RAB13: variants seen among roughly 807,000 people sequenced by gnomAD.
The protein encoded by RAB13 is ras-related protein Rab-13.
A neutral mutation model predicts 29.3 loss-of-function variants in RAB13; 15 were observed. That is an observed-to-expected ratio of 0.51 (90% CI 0.34 to 0.79). The LOEUF (loss-of-function observed/expected upper bound fraction) is 0.79. RAB13 is among the 30% of genes least tolerant of loss of function. RAB13 has a pLI of 0.01. For missense variants in RAB13, 186 were observed against 255.5 expected (o/e 0.73, Z 1.85); for synonymous variants, 82 against 93.8 (o/e 0.87, Z 0.73).
intron 2 of RAB13, among the ~76,000 whole-genome samples, chr1:153,984,409 A>C (rs1649097180): frequency 6.6e-6 from 1 of 152,186 alleles, no homozygotes; most frequent in African/African-American, 2.4e-5. Flanking sequence ...GTCAAGTCTT[A>C]ATTCTGCCTT....
chr1:153,988,494 T>A (rs1275091063), upstream of RAB13, among the ~76,000 whole-genome samples: 7 of 147,354 alleles, frequency 4.8e-5, no homozygotes, highest in African/African-American at 1.5e-4. Flanking sequence ...GGTTTCACCG[T>A]GTTAGCCAGG....
chr1:153,985,420 C>T, intron 1 of RAB13: 1 of 969,106 alleles, frequency 1.0e-6, no homozygotes, highest in Non-Finnish European at 1.2e-6. Context: ...CAATGTTCTT[C>T]TTAGTAGAAA....
chr1:153,989,239 A>AATT (rs535397163), upstream of RAB13, among the ~76,000 whole-genome samples: 4,683 of 136,358 alleles, frequency 0.034, 282 homozygotes, highest in African/African-American at 0.11. Context: ...GCAAAGAAAA[A>AATT]ATTATTATTA....
chr1:153,988,219 CTT>C (rs1424205863), upstream of RAB13, among the ~76,000 whole-genome samples: 2 of 151,068 alleles, frequency 1.3e-5, no homozygotes, highest in African/African-American at 4.9e-5. Flanking sequence ...GTCTCGATCT[CTT>C]GACCTTCTGA....
Position 153,986,107 on chromosome 1 carries a change from G to T in RAB13, c.124+6C>A, listed in dbSNP as rs571775838. 6.2e-7 allele frequency: 1 copy of T among 1,613,274 alleles called. No homozygotes were observed. Among genetic ancestry groups the T allele is most frequent in the African/African-American group, 1.3e-5 (1 of 75,018 alleles). On this transcript the variant is annotated splice_donor_region_variant and intron_variant, in intron 1 of 7. Transcript: ENST00000368575. ...TCGGGGTCTGGGACATGGCCAGCGG[G>T]CTCACCGATGGTGGAGATGTAAGTG...
At chr1:153,990,153 C>T (rs1218138966), upstream of RAB13, among the ~76,000 whole-genome samples, 2 of 150,224 alleles carry the variant, frequency 1.3e-5, no homozygotes, top group African/African-American at 4.9e-5. Context: ...TGTACTTCCG[C>T]CTCCCAGGTT....
At chr1:153,989,033 C>A (rs1649269679), upstream of RAB13, among the ~76,000 whole-genome samples, 4 of 148,520 alleles carry the variant, frequency 2.7e-5, 1 homozygote, top group Non-Finnish European at 6.0e-5. Flanking sequence ...GATTCTCCAG[C>A]CTCAGCTTCC....
chr1:153,990,355 T>A (rs1649321946), upstream of RAB13, among the ~76,000 whole-genome samples: 1 of 152,214 alleles, frequency 6.6e-6, no homozygotes, highest in Non-Finnish European at 1.5e-5. Flanking sequence ...CATGAGCCAC[T>A]GCGCCCGGCC....
At position 153,986,302 on chromosome 1, in the gene RAB13, G is replaced by T; in HGVS notation, c.-66C>A. On this transcript the variant is annotated 5_prime_UTR_variant, in exon 1 of 8. Transcript: ENST00000368575. ...CGGCACTGGTAGGCGGGACTGGACG[G>T]TTGGCAAACAGAGCGGCACGGAGCC... 1 of 1,387,606 alleles carries T rather than the reference G, an allele frequency of 7.2e-7. No individual in the cohort carries two copies. The allele number at this position is 1,387,606 out of a possible 1,614,324, so 86.0% of individuals were successfully genotyped here.
chr1:153,987,783 A>C (rs1315817112), upstream of RAB13, among the ~76,000 whole-genome samples: 1 of 147,418 alleles, frequency 6.8e-6, no homozygotes, highest in Non-Finnish European at 1.5e-5. Context: ...ACAAAAAAAA[A>C]AAAAAAAAAA....
intron 2 of RAB13, 82 bp downstream of exon 2, chr1:153,984,639 G>T: frequency 7.7e-7 from 1 of 1,298,150 alleles, no homozygotes; most frequent in South Asian, 1.2e-5. Flanking sequence ...GGGAAAGGAA[G>T]AGAAATGAAA....
chr1:153,982,327 A>ACG (rs1373948317), intron 7 of RAB13, 64 bp downstream of exon 7: 1 of 1,506,488 alleles, frequency 6.6e-7, no homozygotes, highest in African/African-American at 1.6e-5. Context: ...ACACACACAC[A>ACG]CACACACATA....
At position 153,986,286 on chromosome 1, in the gene RAB13, T is replaced by A; in HGVS notation, c.-50A>T. On this transcript the variant is annotated 5_prime_UTR_variant, in exon 1 of 8. Coordinates refer to ENST00000368575, the MANE Select transcript of RAB13 (RefSeq NM_002870.5). ...AGGGGTGGGGAGCGCCCGGCACTGGTAGGCGGGACTGGACGGTTGGCAAAC... is the reference window on the plus strand; with the variant it reads ...AGGGGTGGGGAGCGCCCGGCACTGGAAGGCGGGACTGGACGGTTGGCAAAC... 6.7e-7 allele frequency: 1 copy of A among 1,497,604 alleles called. No homozygotes were observed. Among genetic ancestry groups the A allele is most frequent in the Non-Finnish European group, 9.2e-7 (1 of 1,081,822 alleles). 92.8% of individuals were successfully genotyped at this position (1,497,604 alleles called of 1,614,324 possible).
rs1246701064 is a variant in RAB13, at chr1:153,982,708, C to T, written c.414+11G>A. 1 of 1,614,062 alleles carries T rather than the reference C, an allele frequency of 6.2e-7. No individual in the cohort carries two copies. Among genetic ancestry groups the T allele is most frequent in the Admixed American group, 1.7e-5 (1 of 60,008 alleles). On this transcript the variant is annotated intron_variant, in intron 5 of 7. Transcript: ENST00000368575. ...GCCCAGTTCTAGAACATTGCTCAGC[C>T]TGGCCCTCACCTTATCGGCCTGCTC...
At chr1:153,989,149 C>A (rs1479711510), upstream of RAB13, among the ~76,000 whole-genome samples, 2 of 135,230 alleles carry the variant, frequency 1.5e-5, 1 homozygote, top group Non-Finnish European at 3.2e-5. Context: ...CCACGCTGGT[C>A]TCGAACTCCC....
In RAB13 at chr1:153,986,181, A is replaced by AC. The variant is rs1205539782; in HGVS notation, c.55dup (p.Val19GlyfsTer26). ...GCGAATGATCAGACAAGTCTTGCCC[A>AC]CCCCCGAGTCCCCGATCAGCAGCAA... On this transcript the variant is annotated frameshift_variant, in exon 1 of 8. Transcript: ENST00000368575. LOFTEE classifies it high-confidence loss of function. The AC allele has an allele frequency of 6.2e-7, 1 of 1,613,494 alleles. No individual in the cohort carries two copies. The highest frequency in any genetic ancestry group is 1.1e-5 in the South Asian group (1 of 90,958).
upstream of RAB13, among the ~76,000 whole-genome samples, chr1:153,989,244 T>TTCAAGGGAGTCTCTCTCGAGCC (rs1179123737): frequency 2.8e-5 from 4 of 141,156 alleles, no homozygotes; most frequent in Admixed American, 7.1e-5. Flanking sequence ...GAAAAAATTA[T>TTCAAGGGAGTCTCTCTCGAGCC]TATTATTATT....
intron 1 of RAB13, 46 bp from the exon 2 acceptor site, chr1:153,984,827 A>C (rs1341333221): frequency 9.5e-6 from 15 of 1,575,582 alleles, no homozygotes; most frequent in Non-Finnish European, 1.2e-5. Flanking sequence ...GCATGCACAC[A>C]TGTAAAACTG....
chr1:153,983,622 G>T, intron 2 of RAB13, 41 bp from the exon 3 acceptor site: 1 of 1,511,624 alleles, frequency 6.6e-7, no homozygotes, highest in South Asian at 1.1e-5. Context: ...ATAGAGGGAA[G>T]AATTCTCCAA....
Sources: gnomAD v4.1 joint callset for allele counts (sites outside exome capture counted in the v4.1 genomes callset) on GRCh38, gnomAD v4.1.1 for gene constraint, MANE v1.5 for transcripts, NCBI Gene and HGNC (gene_info 2026-07-23, HGNC 2026-07-21) for gene names.